PLCXD3: variants seen among roughly 807,000 people sequenced by gnomAD.
PLCXD3 encodes PI-PLC X domain-containing protein 3.
A neutral mutation model predicts 25.5 loss-of-function variants in PLCXD3; 19 were observed. The ratio of observed to expected loss-of-function variants is 0.75; its 90% CI spans 0.52 to 1.09. The LOEUF (loss-of-function observed/expected upper bound fraction) is 1.09. Among genes scored for constraint, PLCXD3 ranks in the 50% least tolerant of loss-of-function variants. The pLI is 0.00. For synonymous variants in PLCXD3, 174 were observed against 137.6 expected, an observed-to-expected ratio of 1.26 and a Z score of -1.85; for missense variants, 411 against 388.1, an observed-to-expected ratio of 1.06 and a Z score of -0.50.
At chr5:41,442,431 C>G (rs1747405471) in intron 1 of PLCXD3, among the ~76,000 whole-genome samples, 2 of 152,160 alleles carry the variant, frequency 1.3e-5, no homozygotes, top group African/African-American at 4.8e-5. Flanking sequence ...TATGTTAAGA[C>G]CAGAGTACTG....
intron 1 of PLCXD3, among the ~76,000 whole-genome samples, chr5:41,485,317 C>T (rs1748495279): frequency 6.6e-6 from 1 of 152,162 alleles, no homozygotes; most frequent in Admixed American, 6.5e-5. Context: ...CCATAAGCCT[C>T]TCTTTATACA....
At chr5:41,374,023 G>T (rs1016848481) in intron 2 of PLCXD3, among the ~76,000 whole-genome samples, 1 of 152,110 alleles carries the variant, frequency 6.6e-6, no homozygotes, top group Non-Finnish European at 1.5e-5. Flanking sequence ...AATCTGGCAG[G>T]CCCTGTGGGT....
chr5:41,412,093 T>G (rs1220792561), intron 1 of PLCXD3, among the ~76,000 whole-genome samples: 1 of 152,042 alleles, frequency 6.6e-6, no homozygotes, highest in Non-Finnish European at 1.5e-5. Flanking sequence ...TTTTTAGGCC[T>G]TTTTAATACA....
At chr5:41,462,912 C>T (rs960836252) in intron 1 of PLCXD3, among the ~76,000 whole-genome samples, 13 of 151,876 alleles carry the variant, frequency 8.6e-5, no homozygotes, top group African/African-American at 2.9e-4. Flanking sequence ...TTAGAAAGAA[C>T]ATTTTTAGTA....
chr5:41,510,492 A>G lies in PLCXD3; in HGVS notation c.35T>C (p.Leu12Ser), dbSNP rs1434410352. ...ASSQGKNELK[L>S]ADWMATLPES... is the part of the protein sequence containing the mutation. ...CGGCAGAGTTGCCATCCAGTCGGCTAATTTCAGCTCGTTTTTCCCCTGAGA... is the reference window on the plus strand; with the variant it reads ...CGGCAGAGTTGCCATCCAGTCGGCTGATTTCAGCTCGTTTTTCCCCTGAGA... Residue 12 changes from leucine to serine, a missense_variant, in exon 1 of 3, where the codon TTA becomes TCA. Physicochemically the swap from Leu to Ser is moderately radical, Grantham distance 145 (BLOSUM62 -2). Transcript: ENST00000377801. The G allele has an allele frequency of 2.5e-6, 4 of 1,613,258 alleles. No individual in the cohort carries two copies. The South Asian group carries it at 4.4e-5, about 18-fold the overall frequency.
intron 1 of PLCXD3, among the ~76,000 whole-genome samples, chr5:41,437,889 T>C (rs1464747299): frequency 6.6e-6 from 1 of 152,174 alleles, no homozygotes; most frequent in African/African-American, 2.4e-5. Flanking sequence ...TCCATCAACA[T>C]GTGATAAATA....
intron 2 of PLCXD3, among the ~76,000 whole-genome samples, chr5:41,329,519 A>C (rs937121181): frequency 3.9e-5 from 6 of 152,254 alleles, no homozygotes; most frequent in Non-Finnish European, 4.4e-5. Context: ...AATGCTACTC[A>C]GTATTCCTCA....
At chr5:41,461,848 AAATTGAGTTGTGAT>A (rs1747883174) in intron 1 of PLCXD3, among the ~76,000 whole-genome samples, 1 of 151,968 alleles carries the variant, frequency 6.6e-6, no homozygotes, top group South Asian at 2.1e-4. Context: ...AACACATTAG[AAATTGAGTTGTGAT>A]AATTTAGTCC....
At chr5:41,362,330 A>C (rs1201932682) in intron 2 of PLCXD3, among the ~76,000 whole-genome samples, 1 of 152,192 alleles carries the variant, frequency 6.6e-6, no homozygotes, top group Non-Finnish European at 1.5e-5. Context: ...AAAGCAACAG[A>C]GACTTTGAAA....
intron 1 of PLCXD3, among the ~76,000 whole-genome samples, chr5:41,495,136 C>T (rs1181618751): frequency 1.3e-5 from 2 of 152,230 alleles, no homozygotes; most frequent in Non-Finnish European, 2.9e-5. Flanking sequence ...AGAGTCCCTC[C>T]TTCCAGCAGA....
At chr5:41,483,492 C>T (rs1159031696) in intron 1 of PLCXD3, among the ~76,000 whole-genome samples, 1 of 152,028 alleles carries the variant, frequency 6.6e-6, no homozygotes, top group Admixed American at 6.6e-5. Flanking sequence ...AAAATATATG[C>T]TATATCTTCG....
chr5:41,454,202 A>T (rs980203066), intron 1 of PLCXD3, among the ~76,000 whole-genome samples: 1 of 151,984 alleles, frequency 6.6e-6, no homozygotes, highest in African/African-American at 2.4e-5. Flanking sequence ...ATTAGCTTAG[A>T]TACAGTCACA....
intron 2 of PLCXD3, among the ~76,000 whole-genome samples, chr5:41,365,790 T>C (rs553800276): frequency 2.6e-5 from 4 of 152,236 alleles, no homozygotes; most frequent in Admixed American, 2.6e-4. Context: ...ATCTGCTTCA[T>C]TTTAATGTTT....
intron 2 of PLCXD3, among the ~76,000 whole-genome samples, chr5:41,352,192 A>G (rs1744481860): frequency 6.6e-6 from 1 of 152,128 alleles, no homozygotes; most frequent in Non-Finnish European, 1.5e-5. Flanking sequence ...CTTTTCTTAA[A>G]CTTCTTGTCA....
chr5:41,491,597 A>G (rs56393782), intron 1 of PLCXD3, among the ~76,000 whole-genome samples: 37,203 of 151,658 alleles, frequency 0.25, 4,551 homozygotes, highest in East Asian at 0.28. Context: ...GTAAGGACTT[A>G]CTTTATGAAT....
chr5:41,491,631 A>G (rs1184542977), intron 1 of PLCXD3, among the ~76,000 whole-genome samples: 3 of 152,082 alleles, frequency 2.0e-5, no homozygotes, highest in East Asian at 3.8e-4. Flanking sequence ...TGTTGGGTGC[A>G]TATATATTTA....
At chr5:41,510,308 A>G (rs1256959499) in intron 1 of PLCXD3, 116 bp downstream of exon 1, 24 of 929,292 alleles carry the variant, frequency 2.6e-5, no homozygotes, top group Non-Finnish European at 3.7e-5. Flanking sequence ...CCACCCTGGA[A>G]GACGAGTTTC....
intron 1 of PLCXD3, among the ~76,000 whole-genome samples, chr5:41,470,722 G>C (rs1048166573): frequency 6.6e-6 from 1 of 151,984 alleles, no homozygotes; most frequent in African/African-American, 2.4e-5. Context: ...AAGCTAAACA[G>C]GAAAAAGACT....
At chr5:41,419,853 A>T (rs955294520) in intron 1 of PLCXD3, among the ~76,000 whole-genome samples, 1 of 152,234 alleles carries the variant, frequency 6.6e-6, no homozygotes, top group Admixed American at 6.5e-5. Flanking sequence ...CATGGAAAAC[A>T]CTTAGCACTG....
Sources: gnomAD v4.1 joint callset for allele counts (sites outside exome capture counted in the v4.1 genomes callset) on GRCh38, gnomAD v4.1.1 for gene constraint, MANE v1.5 for transcripts, NCBI Gene and HGNC (gene_info 2026-07-23, HGNC 2026-07-21) for gene names.